Variants in TRDN observed in about 807,000 individuals in gnomAD.
TRDN encodes triadin, also known as triadin in skeletal muscle.
A neutral mutation model predicts 149.7 loss-of-function variants in TRDN; 161 were observed. That is an observed-to-expected ratio of 1.08 (90% CI 0.95 to 1.23). TRDN has a LOEUF of 1.23. Among genes scored for constraint, TRDN ranks in the 50% most tolerant of loss-of-function variants. TRDN has a pLI of 0.00. For missense variants in TRDN, 896 were observed against 823.5 expected (o/e 1.09, Z -1.08); for synonymous variants, 294 against 250.5 (o/e 1.17, Z -1.64).
chr6:123,492,953 T>C (rs1015259639), intron 9 of TRDN, among the ~76,000 whole-genome samples: 1 of 152,080 alleles, frequency 6.6e-6, no homozygotes, highest in African/African-American at 2.4e-5. Flanking sequence ...GACTCTCCTC[T>C]CTCTGTCTTC....
chr6:123,622,832 A>C (rs1345858252), intron 1 of TRDN, among the ~76,000 whole-genome samples: 1 of 152,158 alleles, frequency 6.6e-6, no homozygotes, highest in African/African-American at 2.4e-5. Context: ...GCAAAGGATT[A>C]AAGAAACACT....
chr6:123,575,517 G>A (rs1782808908), intron 1 of TRDN, among the ~76,000 whole-genome samples: 2 of 152,076 alleles, frequency 1.3e-5, no homozygotes, highest in African/African-American at 4.8e-5. Context: ...TTTGACATGG[G>A]CTATGCCTCT....
intron 24 of TRDN, among the ~76,000 whole-genome samples, chr6:123,313,998 G>T (rs1778928502): frequency 6.6e-6 from 1 of 152,032 alleles, no homozygotes; most frequent in Non-Finnish European, 1.5e-5. Flanking sequence ...ATTGACAAAT[G>T]GGATCTAATT....
At chr6:123,298,662 C>T (rs745942844) in intron 24 of TRDN, among the ~76,000 whole-genome samples, 4 of 152,022 alleles carry the variant, frequency 2.6e-5, no homozygotes, top group Non-Finnish European at 4.4e-5. Flanking sequence ...CAAGTGACAA[C>T]ACCATATAAA....
At chr6:123,521,993 G>A (rs1779704239) in intron 5 of TRDN, among the ~76,000 whole-genome samples, 1 of 152,150 alleles carries the variant, frequency 6.6e-6, no homozygotes, top group African/African-American at 2.4e-5. Flanking sequence ...CTGTGAATAA[G>A]TGAATGTGTA....
intron 9 of TRDN, among the ~76,000 whole-genome samples, chr6:123,474,532 C>A (rs186474478): frequency 0.012 from 1,775 of 152,194 alleles, 16 homozygotes; most frequent in Non-Finnish European, 0.017. Context: ...AGAAAGTCAA[C>A]AAGGATACCC....
intron 38 of TRDN, among the ~76,000 whole-genome samples, chr6:123,234,381 T>A (rs1255217025): frequency 3.3e-5 from 5 of 152,242 alleles, no homozygotes; most frequent in Non-Finnish European, 7.4e-5. Flanking sequence ...TATACACCCA[T>A]GTGTAGCCAG....
chr6:123,377,749 C>G lies in TRDN; in HGVS notation c.1220-7G>C, dbSNP rs745502403. 6.2e-6 allele frequency: 10 copies of G among 1,611,424 alleles called. No homozygotes were observed. Among genetic ancestry groups the G allele is most frequent in the Non-Finnish European group, 8.5e-6 (10 of 1,179,020 alleles). On this transcript the variant is annotated splice_region_variant and splice_polypyrimidine_tract_variant and intron_variant, in intron 17 of 40. Coordinates refer to ENST00000334268, the MANE Select transcript of TRDN (RefSeq NM_006073.4). Reference sequence around the variant, plus strand: ...TCTTTCTTTGGTGACTTTGCTGTATCAAAAAGGAAAGAAAAAAAAATCAGC... The same window carrying G: ...TCTTTCTTTGGTGACTTTGCTGTATGAAAAAGGAAAGAAAAAAAAATCAGC...
At chr6:123,565,948 C>T (rs1204891974) in intron 2 of TRDN, among the ~76,000 whole-genome samples, 1 of 152,220 alleles carries the variant, frequency 6.6e-6, no homozygotes. Context: ...ATCTTCCCTT[C>T]CCAATTTCCA....
chr6:123,505,332 G>C (rs776265514), intron 7 of TRDN, among the ~76,000 whole-genome samples: 3 of 151,344 alleles, frequency 2.0e-5, no homozygotes, highest in African/African-American at 4.9e-5. Flanking sequence ...ATGATTTCAG[G>C]CTAAGCCAAG....
intron 19 of TRDN, among the ~76,000 whole-genome samples, chr6:123,370,122 C>G (rs1382230969): frequency 6.6e-6 from 1 of 152,098 alleles, no homozygotes; most frequent in African/African-American, 2.4e-5. Flanking sequence ...GAATGTTCAC[C>G]TTTGTAACCT....
At chr6:123,470,233 A>G (rs1777078006) in intron 9 of TRDN, 1 of 152,178 alleles carries the variant, frequency 6.6e-6, no homozygotes, top group South Asian at 2.1e-4. Flanking sequence ...GGATACAATA[A>G]TGTATATGAT....
At chr6:123,497,046 T>C (rs1247546832) in intron 9 of TRDN, 147 bp downstream of exon 9, 2 of 556,064 alleles carry the variant, frequency 3.6e-6, no homozygotes, top group African/African-American at 4.0e-5. Flanking sequence ...ATGCCAGTTA[T>C]TACCGCTTTT....
At chr6:123,282,611 A>G (rs1378181897) in intron 24 of TRDN, among the ~76,000 whole-genome samples, 1 of 151,898 alleles carries the variant, frequency 6.6e-6, no homozygotes, top group Non-Finnish European at 1.5e-5. Context: ...GTGGTTTAGA[A>G]TTTTCATTGT....
chr6:123,243,877 G>A (rs1020657062), intron 38 of TRDN, among the ~76,000 whole-genome samples: 1 of 152,080 alleles, frequency 6.6e-6, no homozygotes, highest in African/African-American at 2.4e-5. Context: ...GAAAGGGTTA[G>A]AAAATCTATT....
At chr6:123,238,704 A>G (rs1233347385) in intron 38 of TRDN, among the ~76,000 whole-genome samples, 1 of 152,034 alleles carries the variant, frequency 6.6e-6, no homozygotes, top group Non-Finnish European at 1.5e-5. Flanking sequence ...TTTGATAGAC[A>G]CATATATAAA....
At chr6:123,455,035 C>A (rs1489862391) in intron 10 of TRDN, among the ~76,000 whole-genome samples, 1 of 152,152 alleles carries the variant, frequency 6.6e-6, no homozygotes, top group African/African-American at 2.4e-5. Flanking sequence ...AACTTTCAAG[C>A]TGATTGAGTC....
chr6:123,249,260 C>T (rs993995988), intron 38 of TRDN, among the ~76,000 whole-genome samples: 2 of 151,748 alleles, frequency 1.3e-5, no homozygotes, highest in Non-Finnish European at 2.9e-5. Flanking sequence ...GTCAGAATGG[C>T]TATTATTAAA....
intron 1 of TRDN, among the ~76,000 whole-genome samples, chr6:123,573,317 G>GAAGCACCAACTCTTCAA (rs1782671161): frequency 6.6e-6 from 1 of 151,912 alleles, no homozygotes; most frequent in Admixed American, 6.6e-5. Flanking sequence ...ACATTTCCTG[G>GAAGCACCAACTCTTCAA]TACATGGTAG....
Sources: allele counts gnomAD v4.1 joint callset (sites outside exome capture counted in the v4.1 genomes callset), GRCh38; gene constraint gnomAD v4.1.1; transcripts MANE v1.5; gene names NCBI Gene and HGNC (gene_info 2026-07-23, HGNC 2026-07-21).